CRNKL1: variants seen among roughly 807,000 people sequenced by gnomAD.
CRNKL1 encodes the protein crooked neck pre-mRNA splicing factor 1.
A neutral mutation model predicts 103.7 loss-of-function variants in CRNKL1; 35 were observed. The observed-to-expected ratio is 0.34, with a 90% CI of 0.26 to 0.45. CRNKL1 has a LOEUF of 0.45. Among genes scored for constraint, CRNKL1 ranks in the 20% least tolerant of loss-of-function variants. CRNKL1 has a pLI of 1.00. For synonymous variants in CRNKL1, 267 were observed against 282.6 expected (o/e 0.94, Z 0.55); for missense variants, 645 against 836.0 (o/e 0.77, Z 2.82).
In CRNKL1 at chr20:20,049,375, G is replaced by A. The variant is rs750286361; in HGVS notation, c.261C>T (p.Tyr87=). The A allele has an allele frequency of 7.5e-6, 12 of 1,602,742 alleles. No individual in the cohort carries two copies. Among genetic ancestry groups the A allele is most frequent in the South Asian group, 2.2e-5 (2 of 90,186 alleles). ...NRTVISNWIK[Y]AQWEESLKEI... Reference sequence around the variant, plus strand: ...CCTTTAGGCTTTCTTCCCATTGTGCGTATTTTATCCAGTTACTAATCACAG... The same window carrying A: ...CCTTTAGGCTTTCTTCCCATTGTGCATATTTTATCCAGTTACTAATCACAG... The change falls in exon 3 of 14, where the codon TAC becomes TAT. Residue 87 remains tyrosine (Y), a synonymous_variant. Transcript: ENST00000536226.
intron 5 of CRNKL1, among the ~76,000 whole-genome samples, chr20:20,047,507 C>T (rs1461377634): frequency 6.6e-6 from 1 of 152,126 alleles, no homozygotes. Context: ...ATATCATTTT[C>T]CACAAGGAAA....
At chr20:20,043,415 A>G in intron 7 of CRNKL1, 77 bp downstream of exon 7, 1 of 1,369,708 alleles carries the variant, frequency 7.3e-7, no homozygotes, top group African/African-American at 1.4e-5. Context: ...ACTTGCTATT[A>G]TTCATTTTAG....
At chr20:20,054,588 G>A (rs188308159), upstream of CRNKL1, among the ~76,000 whole-genome samples, 583 of 152,258 alleles carry the variant, frequency 3.8e-3, 4 homozygotes, top group African/African-American at 0.014. Context: ...CATTTGTGCC[G>A]ATATTGTCTC....
upstream of CRNKL1, among the ~76,000 whole-genome samples, chr20:20,054,030 T>G (rs1323438250): frequency 1.9e-4 from 29 of 150,256 alleles, no homozygotes; most frequent in African/African-American, 6.8e-4. Context: ...TTTTTTTTTT[T>G]TTTTAGGAAA....
chr20:20,043,679 T>C lies in CRNKL1; in HGVS notation c.802-17A>G, dbSNP rs1415240967. On this transcript the variant is annotated splice_polypyrimidine_tract_variant and intron_variant, in intron 6 of 13. Transcript: ENST00000536226. ...CCTTTCAAACTAAATGCAGACAGGA[T>C]GATTACCTTCTATAACACAATATTC... The C allele has an allele frequency of 3.7e-6, 6 of 1,607,176 alleles. No homozygotes were observed. Among genetic ancestry groups the C allele is most frequent in the Non-Finnish European group, 5.1e-6 (6 of 1,174,324 alleles).
In CRNKL1 at chr20:20,034,641, T is replaced by C. The variant is rs2043390118; in HGVS notation, c.*1554A>G. The C allele has an allele frequency of 2.0e-5, 3 of 152,238 alleles. No homozygotes were observed. The highest frequency in any genetic ancestry group is 6.5e-5 in the Admixed American group (1 of 15,290). The allele number at this position is 152,238 out of a possible 1,614,324, so 9.4% of individuals were successfully genotyped here. On this transcript the variant is annotated 3_prime_UTR_variant, in exon 14 of 14. Transcript: ENST00000536226. ...CTGACTCTGGGTGAGCCAAAGGCTA[T>C]TAAGATGATGTTCTCCTGCTCACTC...
At position 20,050,544 on chromosome 20, in the gene CRNKL1, G is replaced by A; in HGVS notation, c.130C>T (p.Leu44Phe). Reference protein sequence around the residue: ...LREAKERELELLPPPPQQKIT... With the variant: ...LREAKERELEFLPPPPQQKIT... The stretch of plus-strand genomic sequence containing the variant: ...TTCTGTTGAGGTGGAGGTGGAAGAA[G>A]CTCAAGTTCTCTTTCTTTAGCCTCT... The change falls in exon 2 of 14, where the codon CTT (leucine) becomes TTT (phenylalanine). Residue 44 changes from leucine to phenylalanine, a missense_variant. By Grantham distance (22) the Leu-to-Phe change is conservative. This residue lies in a region of CRNKL1 where 63 missense variants were observed against 128.3 expected (regional missense o/e 0.49). Transcript: ENST00000536226. 1 of 1,613,866 alleles carries A rather than the reference G, an allele frequency of 6.2e-7. No individual in the cohort carries two copies. The highest frequency in any genetic ancestry group is 2.2e-5 in the East Asian group (1 of 44,860).
Position 20,045,187 on chromosome 20 carries a change from G to GT in CRNKL1, c.801+120dup, listed in dbSNP as rs908936687. ...GTTCTCTGTGAGAAGCTGTGTTTTT[G>GT]TATTTTGAAAACATCTTTCCAGGGA... On this transcript the variant is annotated intron_variant, in intron 6 of 13. Transcript: ENST00000536226. The GT allele has an allele frequency of 4.8e-5, 38 of 793,184 alleles. 1 individual carries two copies. The East Asian group carries it at 8.8e-4, about 18-fold the overall frequency. 49.1% of individuals were successfully genotyped at this position (793,184 alleles called of 1,614,324 possible).
At position 20,037,494 on chromosome 20, in the gene CRNKL1, T is replaced by G. The variant is rs1600241889; in HGVS notation, c.1725A>C (p.Glu575Asp). 3 of 1,614,228 alleles carry G rather than the reference T, an allele frequency of 1.9e-6. No individual in the cohort carries two copies. The highest frequency in any genetic ancestry group is 2.5e-6 in the Non-Finnish European group (3 of 1,180,048). Reference protein sequence around the residue: ...GSLTKCRQIYEEANKTMRNCE... With the variant: ...GSLTKCRQIYDEANKTMRNCE... ...AGTTTCGCATGGTTTTGTTAGCTTC[T>G]TCATAAATTTGTCTGCATTTAGTCA... The change falls in exon 13 of 14, where the codon GAA becomes GAC. Residue 575 changes from glutamate to aspartate, a missense_variant. Physicochemically the swap from Glu to Asp is conservative, Grantham distance 45. Transcript: ENST00000536226.
rs1381119702 is a variant in CRNKL1, at chr20:20,038,355, ATGC to A, written c.1638_1640del (p.Gln546del). 1 of 1,545,936 alleles carries A rather than the reference ATGC, an allele frequency of 6.5e-7. No individual in the cohort carries two copies. Among genetic ancestry groups the A allele is most frequent in the Admixed American group, 2.0e-5 (1 of 51,034 alleles). ...ATCTACAAAGCAAGGATACCTTGAC[ATGC>A]TGCGTCCGTTGAAGCAACCGCCGGT... On this transcript the variant is annotated inframe_deletion, in exon 12 of 14. Coordinates refer to ENST00000536226, the MANE Select transcript of CRNKL1 (RefSeq NM_001278628.2).
At chr20:20,047,664 G>C (rs565291903) in intron 5 of CRNKL1, 101 bp downstream of exon 5, 2 of 1,149,468 alleles carry the variant, frequency 1.7e-6, no homozygotes, top group African/African-American at 1.5e-5. Flanking sequence ...CTTTGAGCCT[G>C]ACATTAATGA....
Position 20,050,581 on chromosome 20 carries a change from T to G in CRNKL1, c.93A>C (p.Glu31Asp). 1.2e-6 allele frequency: 2 copies of G among 1,613,962 alleles called. No individual in the cohort carries two copies. Among genetic ancestry groups the G allele is most frequent in the Non-Finnish European group, 1.7e-6 (2 of 1,179,936 alleles). The change falls in exon 2 of 14, where the codon GAA becomes GAC. Residue 31 changes from glutamate to aspartate, a missense_variant. Physicochemically the swap from Glu to Asp is conservative, Grantham distance 45. Transcript: ENST00000536226. ...KAPAEVQITA[E>D]QLLREAKERE... Reference sequence around the variant, plus strand: ...TTTCTTTAGCCTCTCTTAAGAGTTGTTCAGCAGTTATCTGTACCTCAGCCG... The same window carrying G: ...TTTCTTTAGCCTCTCTTAAGAGTTGGTCAGCAGTTATCTGTACCTCAGCCG...
Position 20,047,759 on chromosome 20 carries a change from G to A in CRNKL1, c.622+6C>T, listed in dbSNP as rs1568762946. The A allele has an allele frequency of 2.5e-6, 4 of 1,613,446 alleles. No individual in the cohort carries two copies. Among genetic ancestry groups the A allele is most frequent in the Non-Finnish European group, 3.4e-6 (4 of 1,179,458 alleles). On this transcript the variant is annotated splice_donor_region_variant and intron_variant, in intron 5 of 13. Transcript: ENST00000536226. ...TGGCACCATACAGATCTCGTCCAAA[G>A]GATATATCGCTCATAAATGGTGCGG... is the stretch of plus-strand genomic sequence containing the variant.
At position 20,037,479 on chromosome 20, in the gene CRNKL1, G is replaced by T. The variant is rs1265258167; in HGVS notation, c.1740C>A (p.Thr580=). The change falls in exon 13 of 14, where the codon ACC becomes ACA. Residue 580 remains threonine, a synonymous_variant. Transcript: ENST00000536226. ...CRQIYEEANK[T]MRNCEEKEER... The stretch of plus-strand genomic sequence containing the variant: ...CTTCCTTTTCTTCACAGTTTCGCAT[G>T]GTTTTGTTAGCTTCTTCATAAATTT... 1 of 1,614,098 alleles carries T rather than the reference G, an allele frequency of 6.2e-7. No individual in the cohort carries two copies.
At chr20:20,050,812 T>G (rs2043691629) in intron 1 of CRNKL1, among the ~76,000 whole-genome samples, 190 bp from the exon 2 acceptor site, 1 of 152,198 alleles carries the variant, frequency 6.6e-6, no homozygotes, top group Non-Finnish European at 1.5e-5. Flanking sequence ...TTATTCATAG[T>G]ATCTACTGCA....
upstream of CRNKL1, among the ~76,000 whole-genome samples, chr20:20,055,450 C>G (rs541169685): frequency 2.0e-4 from 30 of 152,270 alleles, no homozygotes; most frequent in East Asian, 3.3e-3. Context: ...GGGGCCCATC[C>G]AAAGTCCCAG....
intron 12 of CRNKL1, among the ~76,000 whole-genome samples, chr20:20,038,096 AAAAT>A (rs2043451241): frequency 6.6e-6 from 1 of 152,054 alleles, no homozygotes; most frequent in Non-Finnish European, 1.5e-5. Flanking sequence ...AAAAAAAAAA[AAAAT>A]AGTTTAACTT....
At position 20,034,944 on chromosome 20, in the gene CRNKL1, C is replaced by T. The variant is rs1295585396; in HGVS notation, c.*1251G>A. 2 of 152,150 alleles carry T rather than the reference C, an allele frequency of 1.3e-5. No homozygotes were observed. Among genetic ancestry groups the T allele is most frequent in the Non-Finnish European group, 2.9e-5 (2 of 68,028 alleles). The allele number at this position is 152,150 out of a possible 1,614,324, so 9.4% of individuals were successfully genotyped here. ...ACAACCTTAAAAATACAGTTCTAGT[C>T]CTTGGGCAGTGAACAAAGAAAAAAT... On this transcript the variant is annotated 3_prime_UTR_variant, in exon 14 of 14. Transcript: ENST00000536226.
At position 20,044,929 on chromosome 20, in the gene CRNKL1, A is replaced by G. The variant is rs142174422; in HGVS notation, c.801+379T>C. Among the ~76,000 whole-genome samples the G allele has an allele frequency of 8.9e-3, 1,356 of 152,286 alleles. 12 individuals carry two copies. The highest frequency in any genetic ancestry group is 0.014 in the Non-Finnish European group (956 of 68,010). ...GGAAAAAAAGAACTCTCTTATTTGT[A>G]GGGCAATCTCTGTTTCCATTCTAAA... On this transcript the variant is annotated intron_variant, in intron 6 of 13. Coordinates refer to ENST00000536226, the MANE Select transcript of CRNKL1 (RefSeq NM_001278628.2).
Sources: allele counts gnomAD v4.1 joint callset (sites outside exome capture counted in the v4.1 genomes callset), GRCh38; gene constraint gnomAD v4.1.1; regional missense constraint gnomAD v4.1.1; transcripts MANE v1.5; gene names NCBI Gene and HGNC (gene_info 2026-07-23, HGNC 2026-07-21).